GPC6: variants seen among roughly 807,000 people sequenced by gnomAD.
GPC6 encodes the protein glypican 6.
In GPC6, 14 loss-of-function variants were observed where a neutral mutation model predicts 55.2. The ratio of observed to expected loss-of-function variants is 0.25; its 90% CI spans 0.17 to 0.40. The LOEUF is 0.40. Among genes scored for constraint, GPC6 ranks in the 10% least tolerant of loss-of-function variants. The pLI is 1.00. For missense variants in GPC6, 641 were observed against 708.5 expected (o/e 0.90, Z 1.08); for synonymous variants, 278 against 259.6 (o/e 1.07, Z -0.68).
chr13:93,572,356 T>C (rs1876448924), intron 2 of GPC6, among the ~76,000 whole-genome samples: 2 of 152,226 alleles, frequency 1.3e-5, no homozygotes, highest in South Asian at 4.1e-4. Flanking sequence ...CGCTTGGGGA[T>C]AAAATGAAAC....
intron 3 of GPC6, among the ~76,000 whole-genome samples, chr13:93,895,234 G>GTGTGTGTGTGTGTGTA (rs1196315147): frequency 7.4e-5 from 8 of 108,208 alleles, no homozygotes; most frequent in African/African-American, 2.6e-4. Context: ...GTGTGTGTGT[G>GTGTGTGTGTGTGTGTA]TATATATATA....
In GPC6 at chr13:93,523,387, G is replaced by GTC. The variant is rs1555307757; in HGVS notation, c.161-21875_161-21874insCT. Among the ~76,000 whole-genome samples the GTC allele has an allele frequency of 4.0e-5, 6 of 150,276 alleles. No individual in the cohort carries two copies. In the South Asian group the frequency reaches 1.3e-3, roughly 32 times the overall value. ...TATATGTGTGTATATGTATGTATGTGTATATATATATCCTCTTTTAAATAT... is the reference window on the plus strand; with the variant it reads ...TATATGTGTGTATATGTATGTATGTGTCTATATATATATCCTCTTTTAAATAT... On this transcript the variant is annotated intron_variant, in intron 1 of 8. Coordinates refer to ENST00000377047, the MANE Select transcript of GPC6 (RefSeq NM_005708.5).
chr13:93,953,967 C>T (rs773527411), intron 3 of GPC6, among the ~76,000 whole-genome samples: 1 of 152,104 alleles, frequency 6.6e-6, no homozygotes, highest in Non-Finnish European at 1.5e-5. Context: ...CATCTGGTGC[C>T]TTTATCATGT....
chr13:93,451,888 G>A (rs1344547538), intron 1 of GPC6, among the ~76,000 whole-genome samples: 2 of 152,112 alleles, frequency 1.3e-5, no homozygotes, highest in Non-Finnish European at 2.9e-5. Flanking sequence ...TAATATCTAT[G>A]ATACCAGAGC....
At chr13:94,204,724 A>C (rs1889851371) in intron 4 of GPC6, among the ~76,000 whole-genome samples, 1 of 152,324 alleles carries the variant, frequency 6.6e-6, no homozygotes, top group Middle Eastern at 3.4e-3. Context: ...GCAGGTTGGA[A>C]AAGAAGGTTT....
chr13:93,773,203 A>G (rs907362380), intron 2 of GPC6, among the ~76,000 whole-genome samples: 8 of 152,222 alleles, frequency 5.3e-5, no homozygotes, highest in African/African-American at 1.9e-4. Flanking sequence ...CAGAATTAGT[A>G]AAAGTCATGA....
intron 4 of GPC6, among the ~76,000 whole-genome samples, chr13:94,246,855 C>T (rs1032013552): frequency 6.6e-6 from 1 of 151,638 alleles, no homozygotes. Flanking sequence ...TATTTAGGGT[C>T]TTTTGTGGTT....
chr13:93,496,519 G>A (rs945087835), intron 1 of GPC6, among the ~76,000 whole-genome samples: 2 of 152,106 alleles, frequency 1.3e-5, no homozygotes, highest in Non-Finnish European at 2.9e-5. Flanking sequence ...GTTCCTATTC[G>A]GCCATCTTGG....
chr13:93,696,547 T>G (rs1011970453), intron 2 of GPC6, among the ~76,000 whole-genome samples: 1 of 151,746 alleles, frequency 6.6e-6, no homozygotes, highest in African/African-American at 2.4e-5. Flanking sequence ...TTTTCCTTTT[T>G]TTTTTAAAAA....
chr13:93,967,345 A>C (rs1488699527), intron 3 of GPC6, among the ~76,000 whole-genome samples: 1 of 152,222 alleles, frequency 6.6e-6, no homozygotes, highest in Non-Finnish European at 1.5e-5. Context: ...ACGATGTACA[A>C]AAGTAGTAGT....
chr13:94,007,398 TAGAC>T (rs1339723304), intron 3 of GPC6, among the ~76,000 whole-genome samples: 2 of 152,178 alleles, frequency 1.3e-5, no homozygotes, highest in African/African-American at 2.4e-5. Flanking sequence ...GTGCGGGAGA[TAGAC>T]AGTGAACACA....
chr13:93,427,801 A>G (rs1246527773), intron 1 of GPC6, among the ~76,000 whole-genome samples: 1 of 152,174 alleles, frequency 6.6e-6, no homozygotes, highest in Non-Finnish European at 1.5e-5. Context: ...TGAGTGCACG[A>G]TGGTTGTGAT....
At chr13:93,641,433 A>G (rs1211580949) in intron 2 of GPC6, among the ~76,000 whole-genome samples, 1 of 152,102 alleles carries the variant, frequency 6.6e-6, no homozygotes, top group Admixed American at 6.6e-5. Context: ...ATCCTTACTG[A>G]GCAACTTTTG....
intron 1 of GPC6, among the ~76,000 whole-genome samples, chr13:93,349,283 C>A (rs896493757): frequency 1.3e-5 from 2 of 151,764 alleles, no homozygotes; most frequent in Non-Finnish European, 2.9e-5. Flanking sequence ...GTAAAAGTAA[C>A]TAAGTTGTAT....
chr13:93,615,104 A>AT (rs1566450771), intron 2 of GPC6, among the ~76,000 whole-genome samples: 1 of 152,002 alleles, frequency 6.6e-6, no homozygotes, highest in Non-Finnish European at 1.5e-5. Context: ...TTTTCTTTAA[A>AT]TTTTTTCTCA....
At chr13:94,240,022 T>A (rs577375884) in intron 4 of GPC6, among the ~76,000 whole-genome samples, 1 of 152,184 alleles carries the variant, frequency 6.6e-6, no homozygotes, top group South Asian at 2.1e-4. Flanking sequence ...GCTGAGAGCT[T>A]AAACTTGACT....
At chr13:93,469,518 T>C (rs1879034532) in intron 1 of GPC6, among the ~76,000 whole-genome samples, 1 of 152,198 alleles carries the variant, frequency 6.6e-6, no homozygotes. Context: ...CTATGGATTA[T>C]GCATTTGGTG....
chr13:93,583,717 CCT>C (rs1877058178), intron 2 of GPC6, among the ~76,000 whole-genome samples: 1 of 152,090 alleles, frequency 6.6e-6, no homozygotes, highest in South Asian at 2.1e-4. Flanking sequence ...CGCCTGGCCC[CCT>C]CTTTTTAATA....
chr13:94,198,099 A>G (rs1055131550), intron 4 of GPC6, among the ~76,000 whole-genome samples: 5 of 152,238 alleles, frequency 3.3e-5, no homozygotes, highest in African/African-American at 4.8e-5. Context: ...TTCCCAAAAC[A>G]TAATAAATAC....
Sources: allele counts gnomAD v4.1 joint callset (sites outside exome capture counted in the v4.1 genomes callset), GRCh38; gene constraint gnomAD v4.1.1; transcripts MANE v1.5; gene names NCBI Gene and HGNC (gene_info 2026-07-23, HGNC 2026-07-21).